SMYD3: variants seen among roughly 807,000 people sequenced by gnomAD.
SMYD3 encodes SET and MYND domain containing 3.
In SMYD3, 36 loss-of-function variants were observed where a neutral mutation model predicts 57.7. That is an observed-to-expected ratio of 0.62 (90% CI 0.48 to 0.82). SMYD3 has a LOEUF of 0.82. SMYD3 is among the 40% of genes least tolerant of loss of function. The pLI, the probability that SMYD3 is intolerant of heterozygous loss-of-function variation, is 0.00. For synonymous variants in SMYD3, 211 were observed against 195.0 expected (o/e 1.08, Z -0.68); for missense variants, 515 against 538.8 (o/e 0.96, Z 0.44).
At chr1:246,434,404 C>T (rs1489211743) in intron 1 of SMYD3, among the ~76,000 whole-genome samples, 3 of 152,186 alleles carry the variant, frequency 2.0e-5, no homozygotes, top group Non-Finnish European at 4.4e-5. Context: ...TATTTGTCAT[C>T]CGACAAAGGT....
intron 10 of SMYD3, among the ~76,000 whole-genome samples, chr1:245,854,614 TC>T (rs1253175596): frequency 1.3e-5 from 2 of 151,582 alleles, no homozygotes; most frequent in Non-Finnish European, 2.9e-5. Flanking sequence ...TCTCTCTTTT[TC>T]CCGCACACTA....
At chr1:246,144,781 T>G (rs941070473) in intron 5 of SMYD3, among the ~76,000 whole-genome samples, 1 of 152,212 alleles carries the variant, frequency 6.6e-6, no homozygotes, top group Non-Finnish European at 1.5e-5. Context: ...CTGCTGACTT[T>G]AATGGAAAGA....
intron 11 of SMYD3, among the ~76,000 whole-genome samples, chr1:245,763,501 T>C (rs545423930): frequency 1.9e-4 from 29 of 151,690 alleles, no homozygotes; most frequent in Admixed American, 9.8e-4. Flanking sequence ...GAGGAAAAAA[T>C]AGCTGTGTGA....
At chr1:246,078,987 G>A (rs1327293661) in intron 5 of SMYD3, among the ~76,000 whole-genome samples, 1 of 151,786 alleles carries the variant, frequency 6.6e-6, no homozygotes, top group Non-Finnish European at 1.5e-5. Flanking sequence ...AAACAAATAA[G>A]ATGTCTACAA....
intron 10 of SMYD3, among the ~76,000 whole-genome samples, chr1:245,817,248 CG>C (rs1206892889): frequency 2.8e-5 from 4 of 142,164 alleles, no homozygotes; most frequent in Admixed American, 1.5e-4. Context: ...CCCTGACCCC[CG>C]AGCAGCCTAA....
intron 5 of SMYD3, among the ~76,000 whole-genome samples, chr1:246,007,001 T>C (rs2059185808): frequency 6.6e-6 from 1 of 152,166 alleles, no homozygotes; most frequent in African/African-American, 2.4e-5. Flanking sequence ...TGTTACACGG[T>C]TCTGTTCTGA....
In SMYD3 at chr1:245,849,420, G is replaced by T. The variant is rs551221275; in HGVS notation, c.1076+9076C>A. Among the ~76,000 whole-genome samples, 6 of 152,228 alleles carry T rather than the reference G, an allele frequency of 3.9e-5. No individual in the cohort carries two copies. In the South Asian group the frequency reaches 8.3e-4, roughly 21 times the overall value. Reference sequence around the variant, plus strand: ...TGAAGACCTCCAGTTACCTTGAGGGGGTTTGGGGGGCAGATCTTCCAACTT... The same window carrying T: ...TGAAGACCTCCAGTTACCTTGAGGGTGTTTGGGGGGCAGATCTTCCAACTT... On this transcript the variant is annotated intron_variant, in intron 10 of 11. Transcript: ENST00000490107.
chr1:246,000,949 T>C (rs1258857357), intron 5 of SMYD3, among the ~76,000 whole-genome samples: 3 of 152,214 alleles, frequency 2.0e-5, no homozygotes, highest in Non-Finnish European at 4.4e-5. Flanking sequence ...ACTTAGAGAC[T>C]GCTTTATTTT....
At chr1:246,098,249 T>C (rs2060949121) in intron 5 of SMYD3, among the ~76,000 whole-genome samples, 1 of 152,208 alleles carries the variant, frequency 6.6e-6, no homozygotes, top group Admixed American at 6.5e-5. Flanking sequence ...CACATTAATC[T>C]GCCTCTTGCA....
intron 2 of SMYD3, among the ~76,000 whole-genome samples, chr1:246,350,442 T>C (rs192608498): frequency 6.6e-6 from 1 of 152,256 alleles, no homozygotes; most frequent in African/African-American, 2.4e-5. Context: ...TGGTAACAGG[T>C]AGTACTAAAG....
At chr1:246,259,314 C>G (rs912911744) in intron 5 of SMYD3, among the ~76,000 whole-genome samples, 2 of 152,168 alleles carry the variant, frequency 1.3e-5, no homozygotes, top group African/African-American at 4.8e-5. Context: ...TGTGCTGATT[C>G]TTTCTCAGCT....
chr1:246,448,392 C>T (rs909448048), intron 1 of SMYD3, among the ~76,000 whole-genome samples: 2 of 152,068 alleles, frequency 1.3e-5, no homozygotes, highest in African/African-American at 4.8e-5. Flanking sequence ...CTGTCATTAT[C>T]CTATGAAAAC....
At chr1:246,200,266 T>C (rs539955865) in intron 5 of SMYD3, among the ~76,000 whole-genome samples, 28 of 141,120 alleles carry the variant, frequency 2.0e-4, no homozygotes, top group Admixed American at 6.4e-4. Context: ...TAGAGAACAG[T>C]GTAGACGCTG....
At chr1:245,880,813 G>T (rs970884829) in intron 8 of SMYD3, among the ~76,000 whole-genome samples, 28 of 152,336 alleles carry the variant, frequency 1.8e-4, no homozygotes, top group Admixed American at 4.6e-4. Context: ...GTTCCAAGGG[G>T]CAGAACTAAG....
intron 10 of SMYD3, among the ~76,000 whole-genome samples, chr1:245,781,992 A>C (rs2046847729): frequency 6.6e-6 from 1 of 151,998 alleles, no homozygotes; most frequent in Non-Finnish European, 1.5e-5. Context: ...TAACTAATCA[A>C]AATTTTTTTT....
chr1:245,888,664 C>G (rs1346828775), intron 8 of SMYD3, among the ~76,000 whole-genome samples: 1 of 152,192 alleles, frequency 6.6e-6, no homozygotes, highest in Non-Finnish European at 1.5e-5. Flanking sequence ...TCTGACAAAC[C>G]ACTTAGCTTG....
chr1:245,815,818 C>T (rs2048774464), intron 10 of SMYD3, among the ~76,000 whole-genome samples: 1 of 152,308 alleles, frequency 6.6e-6, no homozygotes, highest in African/African-American at 2.4e-5. Context: ...AAATTACGGG[C>T]CTTTGAAGTG....
intron 10 of SMYD3, among the ~76,000 whole-genome samples, 196 bp from the exon 11 acceptor site, chr1:245,764,345 T>C (rs937516996): frequency 1.3e-5 from 2 of 151,614 alleles, no homozygotes; most frequent in Non-Finnish European, 2.9e-5. Flanking sequence ...CTCCTCAGAA[T>C]GTGTTTTGTG....
intron 5 of SMYD3, among the ~76,000 whole-genome samples, chr1:246,036,583 T>C (rs1232974310): frequency 6.6e-5 from 10 of 151,450 alleles, no homozygotes; most frequent in African/African-American, 2.4e-4. Context: ...AGACGGAGTC[T>C]CGCTTTGTTG....
Sources: gnomAD v4.1 joint callset for allele counts (sites outside exome capture counted in the v4.1 genomes callset) on GRCh38, gnomAD v4.1.1 for gene constraint, MANE v1.5 for transcripts, NCBI Gene and HGNC (gene_info 2026-07-23, HGNC 2026-07-21) for gene names.